MEIS1: variants seen among roughly 807,000 people sequenced by gnomAD.
The protein encoded by MEIS1 is homeobox protein Meis1.
Under a neutral mutation model 50.8 loss-of-function variants are expected in MEIS1, and 5 were observed. The observed-to-expected ratio is 0.10, with a 90% CI of 0.05 to 0.21. The LOEUF is 0.21. Ranked by LOEUF, MEIS1 falls within the 10% of genes least tolerant of loss-of-function variation. The probability of loss-of-function intolerance (pLI) is 1.00; values close to 1 mark genes in which losing one functional copy is unlikely to be tolerated. For missense variants in MEIS1, 318 were observed against 517.3 expected, an observed-to-expected ratio of 0.61 and a Z score of 3.74; for synonymous variants, 176 against 179.3, an observed-to-expected ratio of 0.98 and a Z score of 0.15.
intron 7 of MEIS1, among the ~76,000 whole-genome samples, chr2:66,511,095 C>T (rs886943015): frequency 5.9e-5 from 9 of 152,096 alleles, no homozygotes; most frequent in South Asian, 4.1e-4. Flanking sequence ...TCTAAGAGAA[C>T]GGTTGACCGA....
Position 66,568,721 on chromosome 2 carries a change from T to C in MEIS1, c.1079T>C (p.Met360Thr), listed in dbSNP as rs1276022900. The C allele has an allele frequency of 6.2e-7, 1 of 1,613,846 alleles. No homozygotes were observed. Among genetic ancestry groups the C allele is most frequent in the Non-Finnish European group, 8.5e-7 (1 of 1,179,746 alleles). The change falls in exon 11 of 13, where the codon ATG (methionine) becomes ACG (threonine). Residue 360 changes from methionine to threonine, a missense_variant. Transcript: ENST00000272369. ...GGACAGCCCATGGGAGGTTTCGTAA[T>C]GGACGGTCAGCAACATATGGGAATT... ...PDGQPMGGFV[M>T]DGQQHMGIRA...
At chr2:66,505,747 T>C (rs1423280099) in intron 7 of MEIS1, among the ~76,000 whole-genome samples, 1 of 152,186 alleles carries the variant, frequency 6.6e-6, no homozygotes, top group Non-Finnish European at 1.5e-5. Flanking sequence ...TGATTTTAAA[T>C]TATAATTGCA....
chr2:66,446,184 CG>C (rs1412415630), intron 6 of MEIS1, among the ~76,000 whole-genome samples: 3 of 152,110 alleles, frequency 2.0e-5, no homozygotes, highest in Non-Finnish European at 4.4e-5. Flanking sequence ...GAGAACGATG[CG>C]GGTTCGACCG....
rs149940493 is a variant in MEIS1 at position 66,518,769 on chromosome 2, G to A, written c.888+6475G>A. Among the ~76,000 whole-genome samples the A allele has an allele frequency of 5.3e-5, 8 of 152,118 alleles. No homozygotes were observed. The East Asian group carries it at 1.5e-3, about 29-fold the overall frequency. On this transcript the variant is annotated intron_variant, in intron 8 of 12. Coordinates refer to ENST00000272369, the MANE Select transcript of MEIS1 (RefSeq NM_002398.3). ...ACCCCTAGGAATTTTATGCTAGTTT[G>A]GTTCTTTCTTTCTTCATGTTTAAGA...
intron 8 of MEIS1, among the ~76,000 whole-genome samples, chr2:66,521,002 A>G (rs1487833408): frequency 1.3e-5 from 2 of 152,254 alleles, no homozygotes; most frequent in African/African-American, 4.8e-5. Context: ...TTAAAAAATA[A>G]AAATATAAGC....
intron 9 of MEIS1, among the ~76,000 whole-genome samples, chr2:66,552,080 TCCTGAATAGA>T (rs1674935879): frequency 6.6e-6 from 1 of 151,968 alleles, no homozygotes; most frequent in African/African-American, 2.4e-5. Flanking sequence ...TTGTTTTTTC[TCCTGAATAGA>T]CCAACTTAAT....
intron 9 of MEIS1, among the ~76,000 whole-genome samples, chr2:66,554,946 A>C (rs896602543): frequency 6.6e-6 from 1 of 152,254 alleles, no homozygotes; most frequent in Non-Finnish European, 1.5e-5. Context: ...GATTCATAAT[A>C]AAGATAAATC....
chr2:66,495,078 A>AT (rs1277756662), intron 7 of MEIS1, among the ~76,000 whole-genome samples: 1,326 of 85,058 alleles, frequency 0.016, 192 homozygotes, highest in Non-Finnish European at 0.024. Context: ...CCCTCTTCTG[A>AT]CCTTTTTTTT....
At chr2:66,517,080 A>G (rs775377843) in intron 8 of MEIS1, among the ~76,000 whole-genome samples, 1 of 151,946 alleles carries the variant, frequency 6.6e-6, no homozygotes, top group Non-Finnish European at 1.5e-5. Context: ...CCACCTCTGT[A>G]CTCTGCCAGT....
At position 66,435,773 on chromosome 2, in the gene MEIS1, G is replaced by A. The variant is rs1212998426; in HGVS notation, c.-84G>A. On this transcript the variant is annotated 5_prime_UTR_variant, in exon 1 of 13. Transcript: ENST00000272369. ...TTTTTTTTTTTTTTTTTTTTCCGGG[G>A]GAGTTTGAATATTTGTTTCTTTTCA... 10 of 805,800 alleles carry A rather than the reference G, an allele frequency of 1.2e-5. 1 individual carries two copies. Among genetic ancestry groups the A allele is most frequent in the South Asian group, 5.9e-5 (3 of 50,580 alleles). The allele number at this position is 805,800 out of a possible 1,614,324, so 49.9% of individuals were successfully genotyped here. A position where few individuals can be genotyped will look rare whatever the true frequency, so the allele number is the denominator to read the frequency against.
At chr2:66,437,660 TA>T in intron 1 of MEIS1, 76 bp from the exon 2 acceptor site, 1 of 1,337,482 alleles carries the variant, frequency 7.5e-7, no homozygotes, top group Non-Finnish European at 1.1e-6. Flanking sequence ...TGACCTTATA[TA>T]AGCTCGGTGC....
intron 8 of MEIS1, among the ~76,000 whole-genome samples, chr2:66,545,293 A>G (rs1674763351): frequency 6.6e-6 from 1 of 152,192 alleles, no homozygotes; most frequent in African/African-American, 2.4e-5. Flanking sequence ...ATTTTACAGG[A>G]AATGTTATAG....
At chr2:66,568,799 A>G (rs1572911915) in intron 11 of MEIS1, 43 bp downstream of exon 11, 11 of 1,519,312 alleles carry the variant, frequency 7.2e-6, no homozygotes, top group South Asian at 1.1e-5. Flanking sequence ...TTTGACTCCA[A>G]GAGTGTCATC....
At chr2:66,544,051 T>C (rs997489104) in intron 8 of MEIS1, among the ~76,000 whole-genome samples, 5 of 152,194 alleles carry the variant, frequency 3.3e-5, no homozygotes, top group Non-Finnish European at 4.4e-5. Flanking sequence ...AGGAGTGACA[T>C]AGGCCTTTAG....
At chr2:66,508,423 TAG>T (rs2103845515) in intron 7 of MEIS1, among the ~76,000 whole-genome samples, 1 of 152,180 alleles carries the variant, frequency 6.6e-6, no homozygotes, top group African/African-American at 2.4e-5. Flanking sequence ...AGCCTGTGCC[TAG>T]AGAGAGAGGA....
At chr2:66,509,259 A>AC in intron 7 of MEIS1, 1 of 319,362 alleles carries the variant, frequency 3.1e-6, no homozygotes, top group Non-Finnish European at 6.4e-6. Context: ...CTGTTTTATT[A>AC]TGCTCTTCTC....
intron 6 of MEIS1, among the ~76,000 whole-genome samples, chr2:66,452,632 T>A (rs1463574232): frequency 2.6e-5 from 4 of 151,910 alleles, no homozygotes; most frequent in Non-Finnish European, 5.9e-5. Context: ...TGATGATAAA[T>A]TAATATGTTC....
intron 8 of MEIS1, among the ~76,000 whole-genome samples, chr2:66,540,152 G>A (rs1299651269): frequency 6.6e-6 from 1 of 152,050 alleles, no homozygotes; most frequent in Non-Finnish European, 1.5e-5. Flanking sequence ...CCTTACTCAG[G>A]GGGTTCACCA....
intron 8 of MEIS1, among the ~76,000 whole-genome samples, chr2:66,518,767 T>C (rs2103866894): frequency 6.6e-6 from 1 of 152,362 alleles, no homozygotes; most frequent in South Asian, 2.1e-4. Flanking sequence ...TTATGCTAGT[T>C]TGGTTCTTTC....
Sources: gnomAD v4.1 joint callset for allele counts (sites outside exome capture counted in the v4.1 genomes callset) on GRCh38, gnomAD v4.1.1 for gene constraint, MANE v1.5 for transcripts, NCBI Gene and HGNC (gene_info 2026-07-23, HGNC 2026-07-21) for gene names.